ABCG8: variants seen among roughly 807,000 people sequenced by gnomAD.
The protein encoded by ABCG8 is ATP binding cassette subfamily G member 8.
A neutral mutation model predicts 71.3 loss-of-function variants in ABCG8; 81 were observed. The ratio of observed to expected loss-of-function variants is 1.14; its 90% confidence interval spans 0.95 to 1.37. ABCG8 has a LOEUF of 1.37. ABCG8 is among the 40% of genes most tolerant of loss of function. ABCG8 has a pLI of 0.00. For missense variants in ABCG8, 1,119 were observed against 866.2 expected (o/e 1.29, Z -3.66); for synonymous variants, 451 against 354.7 (o/e 1.27, Z -3.05).
chr2:43,878,271 G>T lies in ABCG8; in HGVS notation c.*358G>T. 8.5e-6 allele frequency: 3 copies of T among 351,412 alleles called. No homozygotes were observed. Among genetic ancestry groups the T allele is most frequent in the Admixed American group, 3.8e-5 (1 of 26,276 alleles). The allele number at this position is 351,412 out of a possible 1,614,324, so 21.8% of individuals were successfully genotyped here. On this transcript the variant is annotated 3_prime_UTR_variant, in exon 13 of 13. Transcript: ENST00000272286. ...TGGGTAGCTAGACTGTGCAGGAATT[G>T]TTGGAACCTGGAGGGAACAATAACA... is the stretch of plus-strand genomic sequence containing the variant.
At chr2:43,853,851 C>T (rs552783502) in intron 6 of ABCG8, among the ~76,000 whole-genome samples, 12 of 152,288 alleles carry the variant, frequency 7.9e-5, no homozygotes, top group African/African-American at 2.6e-4. Context: ...CACCCTCCTC[C>T]TAGTGTCCCA....
chr2:43,855,911 T>C (rs1457307538), intron 6 of ABCG8, among the ~76,000 whole-genome samples: 4 of 152,082 alleles, frequency 2.6e-5, no homozygotes, highest in African/African-American at 9.7e-5. Flanking sequence ...TCTCACCATG[T>C]GTATTGATCT....
Position 43,873,802 on chromosome 2 carries a change from C to T in ABCG8, c.1227C>T (p.Asn409=), listed in dbSNP as rs774459606. ...FTTLIRRQIS[N]DFRDLPTLLI... ...GGTTTTTAAGTCGTCAGATTTCCAA[C>T]GACTTCCGAGACCTGCCCACCCTCC... The change falls in exon 9 of 13, where the codon AAC becomes AAT. Residue 409 remains asparagine (N), a synonymous_variant. Coordinates refer to ENST00000272286, the MANE Select transcript of ABCG8 (RefSeq NM_022437.3). 74 of 1,614,056 alleles carry T rather than the reference C, an allele frequency of 4.6e-5. No individual in the cohort carries two copies. Among genetic ancestry groups the T allele is most frequent in the African/African-American group, 6.7e-5 (5 of 74,922 alleles).
intron 6 of ABCG8, among the ~76,000 whole-genome samples, chr2:43,866,176 C>G (rs1237848474): frequency 1.3e-5 from 2 of 151,800 alleles, no homozygotes; most frequent in African/African-American, 2.4e-5. Flanking sequence ...CTTCCTTACA[C>G]CTTATACAAA....
At chr2:43,859,452 G>A (rs4507142) in intron 6 of ABCG8, among the ~76,000 whole-genome samples, 11,020 of 150,008 alleles carry the variant, frequency 0.073, 499 homozygotes, top group African/African-American at 0.11. Context: ...TCTGGATAGA[G>A]CTCTTACTAT....
rs1227591445 is a variant in ABCG8, at chr2:43,839,121, G to A, written c.63+5G>A. The A allele has an allele frequency of 6.4e-7, 1 of 1,551,188 alleles. No individual in the cohort carries two copies. Among genetic ancestry groups the A allele is most frequent in the Non-Finnish European group, 8.7e-7 (1 of 1,146,766 alleles). On this transcript the variant is annotated splice_donor_5th_base_variant and intron_variant, in intron 1 of 12. Transcript: ENST00000272286. The stretch of plus-strand genomic sequence containing the variant: ...GCCACTCCCCAGGATACCTCGGTGA[G>A]TGAGCAATGGGAAGTCGGCCCAGGC...
chr2:43,870,745 A>G (rs557260560), intron 6 of ABCG8, among the ~76,000 whole-genome samples: 1 of 151,862 alleles, frequency 6.6e-6, no homozygotes, highest in Non-Finnish European at 1.5e-5. Flanking sequence ...CACTCTTTGG[A>G]TAGAACTCTC....
rs199821374 is a variant in ABCG8 at position 43,874,456 on chromosome 2, C to T, written c.1461C>T (p.Tyr487=). The T allele has an allele frequency of 5.0e-6, 8 of 1,613,850 alleles. No individual in the cohort carries two copies. Among genetic ancestry groups the T allele is most frequent in the Non-Finnish European group, 4.2e-6 (5 of 1,179,842 alleles). The part of the protein sequence containing the change: ...MLYYELEDGL[Y]TTGPYFFAKI... ...ACTATGAACTGGAAGACGGGCTGTACACCACTGGTCCATATTTCTTTGCCA... is the reference window on the plus strand; with the variant it reads ...ACTATGAACTGGAAGACGGGCTGTATACCACTGGTCCATATTTCTTTGCCA... The change falls in exon 10 of 13, where the codon TAC becomes TAT. Residue 487 remains tyrosine, a synonymous_variant. Coordinates refer to ENST00000272286, the MANE Select transcript of ABCG8 (RefSeq NM_022437.3).
chr2:43,867,347 T>TA (rs35927760), intron 6 of ABCG8, among the ~76,000 whole-genome samples: 87,226 of 147,820 alleles, frequency 0.59, 25,748 homozygotes, highest in East Asian at 0.88. Flanking sequence ...AAAGTATAAT[T>TA]AAAAAAAAAA....
At position 43,846,173 on chromosome 2, in the gene ABCG8, G is replaced by T. The variant is rs774152997; in HGVS notation, c.184G>T (p.Val62Phe). 5.6e-6 allele frequency: 9 copies of T among 1,613,636 alleles called. No individual in the cohort carries two copies. The highest frequency in any genetic ancestry group is 1.3e-5 in the African/African-American group (1 of 75,002). The part of the protein sequence containing the change: ...LNYQVDLASQ[V>F]PWFEQLAQFK... The stretch of plus-strand genomic sequence containing the variant: ...CCCACAGGTGGACCTGGCCTCTCAG[G>T]TCCCTTGGTTTGAGCAGCTGGCTCA... The change falls in exon 3 of 13, where the codon GTC (valine) becomes TTC (phenylalanine). Residue 62 changes from valine (V) to phenylalanine (F), a missense_variant. Transcript: ENST00000272286.
chr2:43,873,991 G>C lies in ABCG8; in HGVS notation c.1411+5G>C. On this transcript the variant is annotated splice_donor_5th_base_variant and intron_variant, in intron 9 of 12. Coordinates refer to ENST00000272286, the MANE Select transcript of ABCG8 (RefSeq NM_022437.3). ...TTCTGGATGTCATCTCCAAATGTGA[G>C]TGTGGCCCACTGGCATGGGCAGGCA... 1 of 1,613,766 alleles carries C rather than the reference G, an allele frequency of 6.2e-7. No individual in the cohort carries two copies. The highest frequency in any genetic ancestry group is 8.5e-7 in the Non-Finnish European group (1 of 1,180,018).
chr2:43,873,063 G>T (rs1251908005), intron 8 of ABCG8, among the ~76,000 whole-genome samples: 1 of 152,040 alleles, frequency 6.6e-6, no homozygotes, highest in Non-Finnish European at 1.5e-5. Flanking sequence ...CGTCTGATTG[G>T]GTCTTCCTCG....
chr2:43,869,258 T>G (rs1669663424), intron 6 of ABCG8, among the ~76,000 whole-genome samples: 1 of 152,032 alleles, frequency 6.6e-6, no homozygotes, highest in African/African-American at 2.4e-5. Flanking sequence ...ATTCTCACCA[T>G]GTGGGTGGAA....
chr2:43,856,669 A>G (rs941647465), intron 6 of ABCG8, among the ~76,000 whole-genome samples: 4 of 151,558 alleles, frequency 2.6e-5, no homozygotes, highest in Non-Finnish European at 3.0e-5. Flanking sequence ...CTCTCTATCT[A>G]TCTGGATATA....
At chr2:43,862,802 T>A (rs1669374021) in intron 6 of ABCG8, among the ~76,000 whole-genome samples, 3 of 150,788 alleles carry the variant, frequency 2.0e-5, no homozygotes, top group South Asian at 4.2e-4. Context: ...TGTGTAGAAT[T>A]CTGATAATCT....
At chr2:43,855,841 T>C (rs542005287) in intron 6 of ABCG8, among the ~76,000 whole-genome samples, 1 of 152,204 alleles carries the variant, frequency 6.6e-6, no homozygotes, top group South Asian at 2.1e-4. Context: ...ACTCTCAGTG[T>C]ATATCTGGAT....
At chr2:43,864,953 T>C (rs1669470300) in intron 6 of ABCG8, among the ~76,000 whole-genome samples, 1 of 151,988 alleles carries the variant, frequency 6.6e-6, no homozygotes, top group Admixed American at 6.6e-5. Flanking sequence ...TCTATCTAGA[T>C]AGAATTCTCA....
chr2:43,868,204 T>C (rs1326525439), intron 6 of ABCG8, among the ~76,000 whole-genome samples: 2 of 152,092 alleles, frequency 1.3e-5, no homozygotes, highest in Admixed American at 6.5e-5. Context: ...TCTATCTCAA[T>C]AGAATTCTCA....
At chr2:43,868,132 T>C (rs1444455013) in intron 6 of ABCG8, among the ~76,000 whole-genome samples, 3 of 151,582 alleles carry the variant, frequency 2.0e-5, no homozygotes, top group Admixed American at 6.6e-5. Context: ...TCTCATTCTA[T>C]GGATAGAACT....
Sources: allele counts gnomAD v4.1 joint callset (sites outside exome capture counted in the v4.1 genomes callset), GRCh38; gene constraint gnomAD v4.1.1; transcripts MANE v1.5; gene names NCBI Gene and HGNC (gene_info 2026-07-23, HGNC 2026-07-21).